Variants in GRIN2A observed in about 807,000 individuals in gnomAD.
The protein encoded by GRIN2A is glutamate receptor ionotropic, NMDA 2A.
In GRIN2A, 22 loss-of-function variants were observed where a neutral mutation model predicts 113.4. The ratio of observed to expected loss-of-function variants is 0.19; its 90% CI spans 0.14 to 0.28. The LOEUF (loss-of-function observed/expected upper bound fraction) is 0.28. Ranked by LOEUF, GRIN2A falls within the 10% of genes least tolerant of loss-of-function variation. The pLI, the probability that GRIN2A is intolerant of heterozygous loss-of-function variation, is 1.00. For missense variants in GRIN2A, 1,502 were observed against 1,887.0 expected (o/e 0.80, Z 3.78); for synonymous variants, 827 against 738.4 (o/e 1.12, Z -1.94).
chr16:9,988,285 G>A (rs534249917), intron 2 of GRIN2A, among the ~76,000 whole-genome samples: 41 of 72,086 alleles, frequency 5.7e-4, no homozygotes, highest in South Asian at 4.3e-3. Context: ...GTGTGTGTGC[G>A]TGTGTGTGTG....
At chr16:9,924,720 T>G (rs1000549692) in intron 3 of GRIN2A, among the ~76,000 whole-genome samples, 2 of 152,232 alleles carry the variant, frequency 1.3e-5, no homozygotes, top group African/African-American at 4.8e-5. Context: ...TCAATTGTGT[T>G]TTCTCTAAGA....
chr16:9,815,411 A>G (rs1379661870), intron 10 of GRIN2A, among the ~76,000 whole-genome samples: 1 of 127,256 alleles, frequency 7.9e-6, no homozygotes, highest in African/African-American at 3.3e-5. Context: ...CCTAACAACA[A>G]CCAAAAAAAA....
rs1555482789 is a variant in GRIN2A, at chr16:9,764,555, C to T, written c.2989G>A (p.Glu997Lys). 3 of 1,613,966 alleles carry T rather than the reference C, an allele frequency of 1.9e-6. No homozygotes were observed. The highest frequency in any genetic ancestry group is 2.5e-6 in the Non-Finnish European group (3 of 1,179,992). Residue 997 changes from glutamate to lysine, a missense_variant, in exon 13 of 13, where the codon GAG becomes AAG. This residue lies in a region of GRIN2A where 832 missense variants were observed against 789.7 expected (regional missense o/e 1.05). Transcript: ENST00000330684. Reference sequence around the variant, plus strand: ...TTGGATTCTGTGCTCACGGCCACCTCCACCGTGTTAGGGTTGGACTCATTG... The same window carrying T: ...TTGGATTCTGTGCTCACGGCCACCTTCACCGTGTTAGGGTTGGACTCATTG... ...TLNESNPNTV[E>K]VAVSTESKAN...
chr16:9,964,634 C>T (rs973762059), intron 2 of GRIN2A, among the ~76,000 whole-genome samples: 3 of 152,156 alleles, frequency 2.0e-5, no homozygotes, highest in Non-Finnish European at 2.9e-5. Context: ...CCACATTCCT[C>T]GGCTTATGAC....
In GRIN2A at chr16:10,180,495, A is replaced by T; in HGVS notation, c.-18-66T>A. ...GGCGACCAGAAGAAAGGGATTACCA[A>T]CTTGGCTTCCTGCTCTAGGAGCCAG... On this transcript the variant is annotated intron_variant, in intron 1 of 12. Transcript: ENST00000330684. The surrounding 1 kb of genome is among the most constrained non-coding windows in gnomAD (Gnocchi z 7.0). 1 of 1,542,232 alleles carries T rather than the reference A, an allele frequency of 6.5e-7. No homozygotes were observed. The highest frequency in any genetic ancestry group is 8.7e-7 in the Non-Finnish European group (1 of 1,150,206).
At chr16:9,917,904 A>C (rs2141572344) in intron 3 of GRIN2A, among the ~76,000 whole-genome samples, 1 of 152,310 alleles carries the variant, frequency 6.6e-6, no homozygotes, top group South Asian at 2.1e-4. Flanking sequence ...CAAAAGCCCC[A>C]GGGAGTTGGA....
chr16:9,821,360 TTCCTAC>T (rs765377734), intron 10 of GRIN2A, among the ~76,000 whole-genome samples: 17 of 152,180 alleles, frequency 1.1e-4, no homozygotes, highest in Non-Finnish European at 2.2e-4. Flanking sequence ...CACTCCGTGC[TTCCTAC>T]GAGAATGATT....
At chr16:9,984,105 C>G (rs2045939347) in intron 2 of GRIN2A, among the ~76,000 whole-genome samples, 1 of 152,158 alleles carries the variant, frequency 6.6e-6, no homozygotes, top group African/African-American at 2.4e-5. Context: ...GAGATTATAT[C>G]TCACTGTGGT....
chr16:10,078,851 T>A (rs2047927899), intron 2 of GRIN2A, among the ~76,000 whole-genome samples: 1 of 151,388 alleles, frequency 6.6e-6, no homozygotes, highest in Non-Finnish European at 1.5e-5. Flanking sequence ...GGGAGCATGC[T>A]GACTGACTGG....
intron 2 of GRIN2A, among the ~76,000 whole-genome samples, chr16:10,109,954 G>A (rs1238802800): frequency 6.6e-6 from 1 of 151,880 alleles, no homozygotes; most frequent in Non-Finnish European, 1.5e-5. Context: ...ACAATGTGCA[G>A]GTTAGTTACA....
At chr16:10,029,794 C>T (rs1177029411) in intron 2 of GRIN2A, among the ~76,000 whole-genome samples, 1 of 135,772 alleles carries the variant, frequency 7.4e-6, no homozygotes, top group Non-Finnish European at 1.6e-5. Context: ...GTCTGGAGTT[C>T]GAGACCAGCC....
chr16:10,039,067 C>T (rs1217871252), intron 2 of GRIN2A, among the ~76,000 whole-genome samples: 1 of 152,022 alleles, frequency 6.6e-6, no homozygotes, highest in Non-Finnish European at 1.5e-5. Context: ...ACCAGGTCTG[C>T]TTCTATTTTG....
chr16:10,143,381 A>G (rs1465827203), intron 2 of GRIN2A, among the ~76,000 whole-genome samples: 1 of 152,212 alleles, frequency 6.6e-6, no homozygotes, highest in Non-Finnish European at 1.5e-5. Context: ...GAGCCATTCT[A>G]CTATATTAAA....
At chr16:10,072,985 C>T (rs1423721602) in intron 2 of GRIN2A, among the ~76,000 whole-genome samples, 5 of 107,054 alleles carry the variant, frequency 4.7e-5, no homozygotes, top group Non-Finnish European at 8.9e-5. Flanking sequence ...AGTCTCTTTT[C>T]GTTGCCCAGG....
chr16:10,088,155 G>A (rs1294471600), intron 2 of GRIN2A, among the ~76,000 whole-genome samples: 4 of 152,056 alleles, frequency 2.6e-5, no homozygotes, highest in Admixed American at 2.6e-4. Context: ...CGCACATTTG[G>A]ACACAATTTT....
intron 2 of GRIN2A, among the ~76,000 whole-genome samples, chr16:10,030,472 T>C (rs754299923): frequency 4.6e-5 from 7 of 152,244 alleles, no homozygotes; most frequent in Admixed American, 2.6e-4. Context: ...GCAAGGGTAT[T>C]GGTTTTGGTC....
In GRIN2A at chr16:10,059,480, G is replaced by C. The variant is rs1282220754; in HGVS notation, c.414+120518C>G. On this transcript the variant is annotated intron_variant, in intron 2 of 12. Transcript: ENST00000330684. ...CATTCTCAGGGCCATGCAAGTGCAG[G>C]ATTCAGCTACCCCTGGCTTTGACTG... Among the ~76,000 whole-genome samples the C allele has an allele frequency of 2.0e-5, 3 of 152,152 alleles. No homozygotes were observed. The East Asian group carries it at 5.8e-4, about 29-fold the overall frequency.
intron 2 of GRIN2A, among the ~76,000 whole-genome samples, chr16:10,021,268 A>G (rs1023563282): frequency 6.6e-6 from 1 of 152,168 alleles, no homozygotes; most frequent in Non-Finnish European, 1.5e-5. Flanking sequence ...TATTCAACAC[A>G]TATTTATTGA....
chr16:10,027,885 C>T (rs1008560827), intron 2 of GRIN2A, among the ~76,000 whole-genome samples: 3 of 152,220 alleles, frequency 2.0e-5, no homozygotes, highest in African/African-American at 7.2e-5. Context: ...GCACCCTTGT[C>T]TTTTGGGCAG....
Sources: allele counts gnomAD v4.1 joint callset (sites outside exome capture counted in the v4.1 genomes callset), GRCh38; gene constraint gnomAD v4.1.1; regional missense constraint gnomAD v4.1.1; non-coding constraint Gnocchi (gnomAD v3.1); transcripts MANE v1.5; gene names NCBI Gene and HGNC (gene_info 2026-07-23, HGNC 2026-07-21).